Variants in ABCC11 observed in about 807,000 individuals in gnomAD.
ABCC11 encodes ATP-binding cassette sub-family C member 11.
A neutral mutation model predicts 149.3 loss-of-function variants in ABCC11; 135 were observed. That is an observed-to-expected ratio of 0.90 (90% CI 0.79 to 1.04). The LOEUF is 1.04. Among genes scored for constraint, ABCC11 ranks in the 50% least tolerant of loss-of-function variants. ABCC11 has a pLI of 0.00. For synonymous variants in ABCC11, 665 were observed against 671.4 expected (o/e 0.99, Z 0.15); for missense variants, 1,680 against 1,722.1 (o/e 0.98, Z 0.43).
intron 12 of ABCC11, among the ~76,000 whole-genome samples, chr16:48,207,754 G>C (rs1459117547): frequency 1.3e-5 from 2 of 152,152 alleles, no homozygotes; most frequent in East Asian, 3.9e-4. Context: ...GAGAAAGGGT[G>C]TGTGAGCCAC....
chr16:48,206,011 C>A (rs1333955605), intron 12 of ABCC11, among the ~76,000 whole-genome samples: 5 of 152,156 alleles, frequency 3.3e-5, no homozygotes, highest in African/African-American at 1.2e-4. Flanking sequence ...AGGGTTTCAC[C>A]GTGTTAGCCA....
chr16:48,178,390 G>A (rs1966220161), intron 24 of ABCC11, among the ~76,000 whole-genome samples: 2 of 152,174 alleles, frequency 1.3e-5, no homozygotes, highest in African/African-American at 4.8e-5. Flanking sequence ...ATGCTGTGAG[G>A]GATGTGGTCA....
At chr16:48,243,107 A>G (rs112059727) in intron 1 of ABCC11, among the ~76,000 whole-genome samples, 19,728 of 151,720 alleles carry the variant, frequency 0.13, 1,599 homozygotes, top group African/African-American at 0.23. Flanking sequence ...GGTTGTAAAA[A>G]AAAAAAAAAT....
At chr16:48,213,328 T>C (rs1969076687) in intron 10 of ABCC11, 115 bp downstream of exon 10, 1 of 834,098 alleles carries the variant, frequency 1.2e-6, no homozygotes, top group African/African-American at 1.7e-5. Context: ...AGTTAGCTAA[T>C]CCCTCTCTCG....
At position 48,208,477 on chromosome 16, in the gene ABCC11, C is replaced by G. The variant is rs529824818; in HGVS notation, c.1628G>C (p.Cys543Ser). 6.2e-7 allele frequency: 1 copy of G among 1,614,204 alleles called. No individual in the cohort carries two copies. Among genetic ancestry groups the G allele is most frequent in the South Asian group, 1.1e-5 (1 of 91,076 alleles). Residue 543 changes from cysteine (C) to serine (S), a missense_variant, in exon 12 of 30, where the codon TGC becomes TCC. Transcript: ENST00000356608. ...GCTCTTACCACTCCCCGTGTTGCCGCAGACCCCTAACATCATCCCCTGCAA... is the reference window on the plus strand; with the variant it reads ...GCTCTTACCACTCCCCGTGTTGCCGGAGACCCCTAACATCATCCCCTGCAA... The part of the protein sequence containing the change: ...VVSKGMMLGV[C>S]GNTGSGKSSL...
At chr16:48,212,676 G>A (rs965807225) in intron 10 of ABCC11, among the ~76,000 whole-genome samples, 2 of 152,130 alleles carry the variant, frequency 1.3e-5, no homozygotes, top group African/African-American at 4.8e-5. Flanking sequence ...TGACAGCAGG[G>A]ACCCCTGTTC....
At chr16:48,204,290 A>G (rs959096511) in intron 13 of ABCC11, among the ~76,000 whole-genome samples, 1 of 152,186 alleles carries the variant, frequency 6.6e-6, no homozygotes, top group African/African-American at 2.4e-5. Context: ...ACTTAGGATG[A>G]TTGCCCTGGA....
intron 25 of ABCC11, among the ~76,000 whole-genome samples, chr16:48,175,623 G>C (rs1053897253): frequency 2.6e-5 from 4 of 152,200 alleles, no homozygotes; most frequent in African/African-American, 9.7e-5. Flanking sequence ...CTAGATCAGA[G>C]GGCACACGTG....
intron 6 of ABCC11, among the ~76,000 whole-genome samples, chr16:48,221,138 G>A (rs1969708355): frequency 1.3e-5 from 2 of 152,252 alleles, no homozygotes; most frequent in South Asian, 2.1e-4. Flanking sequence ...CAGCCTAGGT[G>A]GCAGGAGGAA....
At chr16:48,188,823 A>C (rs1303729206) in intron 20 of ABCC11, among the ~76,000 whole-genome samples, 2 of 152,260 alleles carry the variant, frequency 1.3e-5, no homozygotes, top group Admixed American at 6.5e-5. Flanking sequence ...ACATTTCCCC[A>C]TGTACTTCTC....
At chr16:48,196,393 C>A in intron 17 of ABCC11, 72 bp from the exon 18 acceptor site, 3 of 1,449,840 alleles carry the variant, frequency 2.1e-6, no homozygotes, top group South Asian at 1.2e-5. Context: ...CTGTCTCTGG[C>A]TTCGATCCTG....
chr16:48,221,447 A>G, intron 6 of ABCC11, among the ~76,000 whole-genome samples: 1 of 142,402 alleles, frequency 7.0e-6, no homozygotes, highest in Admixed American at 7.0e-5. Flanking sequence ...GTTATGCTGT[A>G]AAAAAAAAAA....
chr16:48,234,197 G>C (rs1246960740), intron 1 of ABCC11, among the ~76,000 whole-genome samples: 1 of 152,222 alleles, frequency 6.6e-6, no homozygotes, highest in East Asian at 1.9e-4. Context: ...GCAGAGCTGG[G>C]AAGAGATGCG....
intron 18 of ABCC11, among the ~76,000 whole-genome samples, chr16:48,194,891 A>T (rs1407563822): frequency 6.6e-6 from 1 of 152,246 alleles, no homozygotes; most frequent in African/African-American, 2.4e-5. Flanking sequence ...TTGTTACAGC[A>T]GCACAAATAG....
chr16:48,203,186 C>T, intron 14 of ABCC11, 42 bp downstream of exon 14: 1 of 1,519,520 alleles, frequency 6.6e-7, no homozygotes, highest in South Asian at 1.2e-5. Context: ...AACATAAGAG[C>T]ACCAACATTA....
intron 6 of ABCC11, among the ~76,000 whole-genome samples, chr16:48,216,981 C>T (rs967554213): frequency 1.3e-5 from 2 of 152,154 alleles, no homozygotes; most frequent in Non-Finnish European, 2.9e-5. Context: ...AGAATCCACC[C>T]CTTAAATCTT....
intron 17 of ABCC11, among the ~76,000 whole-genome samples, chr16:48,197,390 T>C (rs535657220): frequency 1.3e-5 from 2 of 152,072 alleles, no homozygotes; most frequent in Non-Finnish European, 2.9e-5. Flanking sequence ...GGCTTCCCTA[T>C]ATATGACCTC....
At chr16:48,224,166 C>G (rs1296438332) in intron 5 of ABCC11, 116 bp downstream of exon 5, 9 of 1,343,588 alleles carry the variant, frequency 6.7e-6, no homozygotes, top group Non-Finnish European at 9.2e-6. Flanking sequence ...TTCTAGACAG[C>G]AACTGAAAGA....
chr16:48,242,535 C>G (rs1971022328), intron 1 of ABCC11, among the ~76,000 whole-genome samples: 1 of 152,184 alleles, frequency 6.6e-6, no homozygotes, highest in Non-Finnish European at 1.5e-5. Flanking sequence ...ACCCAGCCAT[C>G]CCATTGCTGG....
Sources: allele counts gnomAD v4.1 joint callset (sites outside exome capture counted in the v4.1 genomes callset), GRCh38; gene constraint gnomAD v4.1.1; transcripts MANE v1.5; gene names NCBI Gene and HGNC (gene_info 2026-07-23, HGNC 2026-07-21).